GNRH1: variants seen among roughly 807,000 people sequenced by gnomAD.
GNRH1 encodes progonadoliberin-1.
A neutral mutation model predicts 13.6 loss-of-function variants in GNRH1; 9 were observed. That is an observed-to-expected ratio of 0.66 (90% CI 0.40 to 1.15). The LOEUF (loss-of-function observed/expected upper bound fraction) is 1.15. Among genes scored for constraint, GNRH1 ranks in the 50% most tolerant of loss-of-function variants. The pLI is 0.01. For synonymous variants in GNRH1, 44 were observed against 40.1 expected (o/e 1.10, Z -0.37); for missense variants, 116 against 110.8 (o/e 1.05, Z -0.21).
Position 25,423,309 on chromosome 8 carries a change from G to A in GNRH1, c.22C>T (p.Leu8=). Residue 8 remains leucine (L), a synonymous_variant, in exon 2 of 4, where the codon CTA becomes TTA. Transcript: ENST00000421054. ...CAAGTCAGTAGAATAAGGCCAGCTA[G>A]GAGTTTTTGAATTGGCTTCATTCTA... MKPIQKL[L]AGLILLTWCV... 6.2e-7 allele frequency: 1 copy of A among 1,612,750 alleles called. No individual in the cohort carries two copies. Among genetic ancestry groups the A allele is most frequent in the Non-Finnish European group, 8.5e-7 (1 of 1,178,794 alleles).
In GNRH1 at chr8:25,423,242, A is replaced by T; in HGVS notation, c.89T>A (p.Leu30Gln). 6.2e-7 allele frequency: 1 copy of T among 1,612,588 alleles called. No homozygotes were observed. Among genetic ancestry groups the T allele is most frequent in the African/African-American group, 1.3e-5 (1 of 75,028 alleles). The change falls in exon 2 of 4, where the codon CTG becomes CAG. Residue 30 changes from leucine to glutamine, a missense_variant. Transcript: ENST00000421054. Reference protein sequence around the residue: ...GCSSQHWSYGLRPGGKRDAEN... With the variant: ...GCSSQHWSYGQRPGGKRDAEN... ...GGCATCTCTCTTTCCTCCAGGGCGC[A>T]GTCCATAGGACCAGTGCTGGCTGGA...
In GNRH1 at chr8:25,421,631, C is replaced by T. The variant is rs199693231; in HGVS notation, c.179G>A (p.Arg60His). Residue 60 changes from arginine (R) to histidine (H), a missense_variant, in exon 3 of 4, where the codon CGC (arginine) becomes CAC (histidine). Transcript: ENST00000421054. ...TGGCTGGTGCGTGGTGCATTCGAAG[C>T]GTTGGGTTTCTGCCAGTTGACCAAC... ...KEVGQLAETQ[R>H]FECTTHQPRS... 18 of 1,605,824 alleles carry T rather than the reference C, an allele frequency of 1.1e-5. No individual in the cohort carries two copies. The highest frequency in any genetic ancestry group is 9.4e-5 in the African/African-American group (7 of 74,760).
chr8:25,423,200 G>C lies in GNRH1; in HGVS notation c.131C>G (p.Ser44Cys), dbSNP rs764923794. 6.2e-7 allele frequency: 1 copy of C among 1,610,790 alleles called. No homozygotes were observed. The highest frequency in any genetic ancestry group is 1.1e-5 in the South Asian group (1 of 91,016). Residue 44 changes from serine (S) to cysteine (C), a missense_variant, in exon 2 of 4, where the codon TCT becomes TGT. Transcript: ENST00000421054. ...CTGAGAGAAACTTACCTCTTGGAAA[G>C]AATCAATCAAATTTTCGGCATCTCT... ...GKRDAENLID[S>C]FQEIVKEVGQ...
chr8:25,420,600 T>G (rs1447439062), intron 3 of GNRH1, among the ~76,000 whole-genome samples: 1 of 151,940 alleles, frequency 6.6e-6, no homozygotes, highest in Non-Finnish European at 1.5e-5. Flanking sequence ...AATATCAACA[T>G]TGAATCCAAG....
At chr8:25,422,747 G>A (rs1161070015) in intron 2 of GNRH1, among the ~76,000 whole-genome samples, 1 of 152,028 alleles carries the variant, frequency 6.6e-6, no homozygotes, top group Admixed American at 6.6e-5. Flanking sequence ...TATAGGGCAT[G>A]CATCCTTGAT....
chr8:25,421,551 T>C, intron 3 of GNRH1, 22 bp downstream of exon 3: 2 of 1,247,346 alleles, frequency 1.6e-6, no homozygotes, highest in Non-Finnish European at 1.2e-6. Context: ...GCTGTGATCA[T>C]GTTATGATCA....
chr8:25,421,651 A>G lies in GNRH1; in HGVS notation c.159T>C (p.Gly53=), dbSNP rs2117368043. 6.3e-7 allele frequency: 1 copy of G among 1,581,562 alleles called. No homozygotes were observed. Among genetic ancestry groups the G allele is most frequent in the Non-Finnish European group, 8.7e-7 (1 of 1,152,562 alleles). The change falls in exon 3 of 4, where the codon GGT becomes GGC. Residue 53 remains glycine, a synonymous_variant. Coordinates refer to ENST00000421054, the MANE Select transcript of GNRH1 (RefSeq NM_001083111.2). ...DSFQEIVKEV[G]QLAETQRFEC... ...CGAAGCGTTGGGTTTCTGCCAGTTG[A>G]CCAACCTCTTTGACTATCTGAAGAA...
chr8:25,419,460 C>G lies in GNRH1; in HGVS notation c.238G>C (p.Glu80Gln), dbSNP rs146523104. 1.1e-3 allele frequency: 1,510 copies of G among 1,415,232 alleles called. 11 individuals are homozygous for G. The African/African-American group carries it at 0.019, about 18-fold the overall frequency. The allele number at this position is 1,415,232 out of a possible 1,614,324, so 87.7% of individuals were successfully genotyped here. Reference sequence around the variant, plus strand: ...CCAGTTTCCTCTTCAATCAGACTTTCCTGAAAAATATATAACAAATATATC... The same window carrying G: ...CCAGTTTCCTCTTCAATCAGACTTTGCTGAAAAATATATAACAAATATATC... ...SPLRDLKGAL[E>Q]SLIEEETGQK... The change falls in exon 4 of 4, where the codon GAA becomes CAA. Residue 80 changes from glutamate (E) to glutamine (Q), a missense_variant and splice_region_variant. Physicochemically the swap from Glu to Gln is conservative, Grantham distance 29 (BLOSUM62 2). Transcript: ENST00000421054.
intron 2 of GNRH1, 99 bp downstream of exon 2, chr8:25,423,091 A>G (rs2117369668): frequency 2.1e-6 from 2 of 932,682 alleles, no homozygotes; most frequent in East Asian, 4.8e-5. Context: ...TCTAGGGTAC[A>G]ACATCATAGA....
rs372089839 is a variant in GNRH1, at chr8:25,419,428, C to T, written c.270G>A (p.Lys90=). ...ESLIEEETGQ[K]KI ...TTCTGGCCCAATGGATTTAAATCTT[C>T]TTCTGCCCAGTTTCCTCTTCAATCA... The change falls in exon 4 of 4, where the codon AAG becomes AAA. Residue 90 remains lysine, a synonymous_variant. Coordinates refer to ENST00000421054, the MANE Select transcript of GNRH1 (RefSeq NM_001083111.2). 1 of 1,490,526 alleles carries T rather than the reference C, an allele frequency of 6.7e-7. No individual in the cohort carries two copies. Among genetic ancestry groups the T allele is most frequent in the African/African-American group, 1.4e-5 (1 of 72,584 alleles). 92.3% of individuals were successfully genotyped at this position (1,490,526 alleles called of 1,614,324 possible).
At position 25,419,385 on chromosome 8, in the gene GNRH1, G is replaced by A. The variant is rs2117365170; in HGVS notation, c.*34C>T. 1.7e-6 allele frequency: 2 copies of A among 1,144,842 alleles called. No homozygotes were observed. Among genetic ancestry groups the A allele is most frequent in the Non-Finnish European group, 1.3e-6 (1 of 751,214 alleles). The allele number at this position is 1,144,842 out of a possible 1,614,324, so 70.9% of individuals were successfully genotyped here. A position where few individuals can be genotyped will look rare whatever the true frequency, so the allele number is the denominator to read the frequency against. ...AATGTCAGAATTATACTTAAGTCAT[G>A]TTAGTAATGGTCATTCCTTCTGGCC... On this transcript the variant is annotated 3_prime_UTR_variant, in exon 4 of 4. Coordinates refer to ENST00000421054, the MANE Select transcript of GNRH1 (RefSeq NM_001083111.2).
At chr8:25,419,518 T>C in intron 3 of GNRH1, 58 bp from the exon 4 acceptor site, 1 of 884,538 alleles carries the variant, frequency 1.1e-6, no homozygotes, top group Non-Finnish European at 1.9e-6. Context: ...TTTCATTACA[T>C]TTTGACATTT....
At chr8:25,423,376 G>A in intron 1 of GNRH1, 45 bp from the exon 2 acceptor site, 1 of 1,574,400 alleles carries the variant, frequency 6.4e-7, no homozygotes, top group Non-Finnish European at 8.7e-7. Flanking sequence ...AGACAAGGTT[G>A]AGTATAAACT....
chr8:25,424,615 C>T (rs557123321), upstream of GNRH1: 1 of 152,192 alleles, frequency 6.6e-6, no homozygotes, highest in Non-Finnish European at 1.5e-5. Context: ...CAAATGCATA[C>T]ATAACTTCCA....
At chr8:25,422,018 T>G (rs866819859) in intron 2 of GNRH1, among the ~76,000 whole-genome samples, 11 of 152,202 alleles carry the variant, frequency 7.2e-5, no homozygotes, top group Non-Finnish European at 1.3e-4. Context: ...AGGTTGGTTT[T>G]TATTTTCTAG....
Position 25,419,274 on chromosome 8 carries a change from C to A in GNRH1, c.*145G>T. On this transcript the variant is annotated 3_prime_UTR_variant, in exon 4 of 4. Coordinates refer to ENST00000421054, the MANE Select transcript of GNRH1 (RefSeq NM_001083111.2). ...GTATGCCACTTCATTCACAACACAG[C>A]ACTTTATTATGGAATATGTGCAACT... The A allele has an allele frequency of 1.4e-6, 1 of 697,750 alleles. No individual in the cohort carries two copies. Among genetic ancestry groups the A allele is most frequent in the Non-Finnish European group, 2.6e-6 (1 of 378,028 alleles). 43.2% of individuals were successfully genotyped at this position (697,750 alleles called of 1,614,324 possible). A position where few individuals can be genotyped will look rare whatever the true frequency, so the allele number is the denominator to read the frequency against.
intron 2 of GNRH1, among the ~76,000 whole-genome samples, chr8:25,422,629 T>G (rs1181712179): frequency 6.6e-6 from 1 of 152,226 alleles, no homozygotes; most frequent in Non-Finnish European, 1.5e-5. Context: ...TATATGAATT[T>G]AAATCAGCAT....
At chr8:25,423,771 T>C (rs902182855) in intron 1 of GNRH1, 6 of 221,110 alleles carry the variant, frequency 2.7e-5, no homozygotes, top group Non-Finnish European at 5.4e-5. Context: ...TAAAATTGCT[T>C]GACATTACAT....
chr8:25,420,822 G>A (rs1247077176), intron 3 of GNRH1, among the ~76,000 whole-genome samples: 1 of 152,170 alleles, frequency 6.6e-6, no homozygotes, highest in African/African-American at 2.4e-5. Flanking sequence ...GAGCCTGGGA[G>A]GTTGAGGCTG....
Sources: gnomAD v4.1 joint callset for allele counts (sites outside exome capture counted in the v4.1 genomes callset) on GRCh38, gnomAD v4.1.1 for gene constraint, MANE v1.5 for transcripts, NCBI Gene and HGNC (gene_info 2026-07-23, HGNC 2026-07-21) for gene names.